ANP32A: variants seen among roughly 807,000 people sequenced by gnomAD.
ANP32A encodes the protein acidic leucine-rich nuclear phosphoprotein 32 family member A.
In ANP32A, 1 loss-of-function variant was observed where a neutral mutation model predicts 33.9. The observed-to-expected ratio is 0.03, with a 90% confidence interval of 0.01 to 0.14. The LOEUF (loss-of-function observed/expected upper bound fraction) is 0.14. Ranked by LOEUF, ANP32A falls within the 10% of genes least tolerant of loss-of-function variation. The pLI is 1.00. For missense variants in ANP32A, 155 were observed against 306.0 expected (o/e 0.51, Z 3.68); for synonymous variants, 115 against 120.5 (o/e 0.95, Z 0.30).
chr15:68,813,640 CAA>C (rs1894340337), intron 1 of ANP32A, among the ~76,000 whole-genome samples: 3 of 152,124 alleles, frequency 2.0e-5, no homozygotes, highest in Admixed American at 2.0e-4. Flanking sequence ...ACTGCCAAAA[CAA>C]AGAGGAGGGA....
chr15:68,816,922 A>AACTGTAGTTAATATCATGCT (rs1894390164), intron 1 of ANP32A, among the ~76,000 whole-genome samples: 2 of 152,186 alleles, frequency 1.3e-5, no homozygotes, highest in African/African-American at 4.8e-5. Flanking sequence ...GGCTTGCATA[A>AACTGTAGTTAATATCATGCT]ACTGTAGTTA....
intron 1 of ANP32A, among the ~76,000 whole-genome samples, chr15:68,815,621 G>GT (rs1894370608): frequency 6.6e-6 from 1 of 152,166 alleles, no homozygotes; most frequent in Non-Finnish European, 1.5e-5. Context: ...TGTGATTGGG[G>GT]TGGAGCCCAG....
At chr15:68,813,868 G>GTTA (rs1555424366) in intron 1 of ANP32A, among the ~76,000 whole-genome samples, 3 of 118,344 alleles carry the variant, frequency 2.5e-5, no homozygotes, top group African/African-American at 6.5e-5. Context: ...TTTCCAGGAA[G>GTTA]TTTTTTTTTT....
At chr15:68,805,793 T>A (rs1894211997) in intron 1 of ANP32A, among the ~76,000 whole-genome samples, 1 of 152,182 alleles carries the variant, frequency 6.6e-6, no homozygotes, top group Non-Finnish European at 1.5e-5. Flanking sequence ...CCCATCTCCT[T>A]TAACGCAGCC....
Position 68,787,793 on chromosome 15 carries a change from G to A in ANP32A, c.181C>T (p.Pro61Ser). 1 of 1,614,100 alleles carries A rather than the reference G, an allele frequency of 6.2e-7. No individual in the cohort carries two copies. The highest frequency in any genetic ancestry group is 8.5e-7 in the Non-Finnish European group (1 of 1,180,004). The change falls in exon 2 of 7, where the codon CCA becomes TCA. Residue 61 changes from proline to serine, a missense_variant. This residue lies in a region of ANP32A where 85 missense variants were observed against 183.8 expected (regional missense o/e 0.46). Coordinates refer to ENST00000465139, the MANE Select transcript of ANP32A (RefSeq NM_006305.4). Reference sequence around the variant, plus strand: ...ACCTTCTTAAGTTTGTTTAACTTTGGTAAGTTTGCGATTGAGGTGAGGCCT... The same window carrying A: ...ACCTTCTTAAGTTTGTTTAACTTTGATAAGTTTGCGATTGAGGTGAGGCCT... ...NVGLTSIANLPKLNKLKKLEL... is the reference protein window; with the variant it reads ...NVGLTSIANLSKLNKLKKLEL...
At chr15:68,817,965 G>C (rs1164679476) in intron 1 of ANP32A, among the ~76,000 whole-genome samples, 1 of 152,216 alleles carries the variant, frequency 6.6e-6, no homozygotes, top group African/African-American at 2.4e-5. Flanking sequence ...GCAGGGCCCT[G>C]GAGGCGGCTC....
At chr15:68,815,059 G>A (rs554924080) in intron 1 of ANP32A, among the ~76,000 whole-genome samples, 2 of 152,304 alleles carry the variant, frequency 1.3e-5, no homozygotes, top group South Asian at 2.1e-4. Context: ...CCAGTAACAA[G>A]GATAATTTCT....
chr15:68,783,861 G>C (rs1893900103), intron 4 of ANP32A, among the ~76,000 whole-genome samples: 1 of 152,110 alleles, frequency 6.6e-6, no homozygotes, highest in Non-Finnish European at 1.5e-5. Flanking sequence ...TGGGGCTGTA[G>C]GCTGCAACCA....
At chr15:68,787,144 GC>G in intron 3 of ANP32A, 1 of 406,540 alleles carries the variant, frequency 2.5e-6, no homozygotes, top group Non-Finnish European at 4.5e-6. Flanking sequence ...GAGTGGAAAA[GC>G]AGGAGACCAG....
chr15:68,780,324 T>C lies in ANP32A; in HGVS notation c.688+86A>G, dbSNP rs992598582. The C allele has an allele frequency of 6.2e-7, 1 of 1,604,368 alleles. No homozygotes were observed. The highest frequency in any genetic ancestry group is 8.5e-7 in the Non-Finnish European group (1 of 1,175,230). ...CCTCTGACAGGAGTGTCCTGCCCAC[T>C]GCCAGGGGCCTCTGAGTCTAAGCAA... On this transcript the variant is annotated intron_variant, in intron 6 of 6. Coordinates refer to ENST00000465139, the MANE Select transcript of ANP32A (RefSeq NM_006305.4). The surrounding 1 kb of genome is among the most constrained non-coding windows in gnomAD (Gnocchi z 4.3).
At chr15:68,807,303 G>T (rs1894243681) in intron 1 of ANP32A, among the ~76,000 whole-genome samples, 2 of 148,998 alleles carry the variant, frequency 1.3e-5, no homozygotes, top group Non-Finnish European at 3.0e-5. Context: ...AGAAGGCTAG[G>T]GTCACGGAGC....
chr15:68,820,387 G>T (rs1288928584), intron 1 of ANP32A, among the ~76,000 whole-genome samples: 1 of 152,002 alleles, frequency 6.6e-6, no homozygotes, highest in Non-Finnish European at 1.5e-5. Flanking sequence ...CATTCTCTCC[G>T]ACCCAAACGC....
chr15:68,817,932 C>T (rs1894408129), intron 1 of ANP32A, among the ~76,000 whole-genome samples: 1 of 152,238 alleles, frequency 6.6e-6, no homozygotes, highest in African/African-American at 2.4e-5. Flanking sequence ...CAGCCCGGCG[C>T]CCGGCAGTCG....
At chr15:68,816,854 AACTG>A (rs1182059042) in intron 1 of ANP32A, among the ~76,000 whole-genome samples, 5 of 152,150 alleles carry the variant, frequency 3.3e-5, no homozygotes, top group African/African-American at 1.2e-4. Flanking sequence ...AGCAGAACTC[AACTG>A]ACTATGACCA....
At chr15:68,796,891 G>A (rs1894070670) in intron 1 of ANP32A, among the ~76,000 whole-genome samples, 1 of 152,100 alleles carries the variant, frequency 6.6e-6, no homozygotes, top group Non-Finnish European at 1.5e-5. Flanking sequence ...CATACACTTT[G>A]AGCCTGAGTG....
At chr15:68,785,923 C>T (rs1798117067) in intron 3 of ANP32A, among the ~76,000 whole-genome samples, 2 of 152,168 alleles carry the variant, frequency 1.3e-5, no homozygotes, top group Admixed American at 1.3e-4. Flanking sequence ...AATAGTTTGG[C>T]TTTTTCCTAG....
chr15:68,799,004 C>T (rs956801683), intron 1 of ANP32A, among the ~76,000 whole-genome samples: 9 of 152,174 alleles, frequency 5.9e-5, no homozygotes, highest in African/African-American at 1.9e-4. Context: ...TTTTTCTATC[C>T]AAGGCCACAA....
At chr15:68,784,267 C>G (rs1289241899) in intron 4 of ANP32A, 130 bp downstream of exon 4, 1 of 1,061,942 alleles carries the variant, frequency 9.4e-7, no homozygotes, top group Non-Finnish European at 1.4e-6. Context: ...AGCTACCAGA[C>G]AGACAGCCAG....
intron 1 of ANP32A, among the ~76,000 whole-genome samples, chr15:68,793,823 G>A (rs1365618286): frequency 6.6e-6 from 1 of 152,216 alleles, no homozygotes; most frequent in Non-Finnish European, 1.5e-5. Flanking sequence ...ATTAAACCAA[G>A]TGCGTGCTGC....
Sources: gnomAD v4.1 joint callset for allele counts (sites outside exome capture counted in the v4.1 genomes callset) on GRCh38, gnomAD v4.1.1 for gene constraint, gnomAD v4.1.1 regional missense constraint, Gnocchi (gnomAD v3.1) non-coding constraint, MANE v1.5 for transcripts, NCBI Gene and HGNC (gene_info 2026-07-23, HGNC 2026-07-21) for gene names.